Variants in ZNF280C observed in about 807,000 individuals in gnomAD.
The protein encoded by ZNF280C is suppressor of hairy wing homolog 3.
Under a neutral mutation model 53.6 loss-of-function variants are expected in ZNF280C, and 14 were observed. The observed-to-expected ratio is 0.26, with a 90% confidence interval of 0.17 to 0.41. The LOEUF is 0.41. ZNF280C is among the 10% of genes least tolerant of loss of function. The pLI is 1.00. For synonymous variants in ZNF280C, 203 were observed against 181.1 expected (o/e 1.12, Z -0.97); for missense variants, 416 against 547.1 (o/e 0.76, Z 2.39).
At chrX:130,243,425 C>T in intron 5 of ZNF280C, 138 bp downstream of exon 5, 2 of 649,527 alleles carry the variant, frequency 3.1e-6, no homozygotes, top group Admixed American at 3.3e-5. Context: ...CTCAAGCGAT[C>T]TGCCTGCCTT....
Position 130,260,441 on chromosome X carries a change from G to A in ZNF280C, c.9C>T (p.Asp3=), listed in dbSNP as rs758815792. 13 of 1,195,015 alleles carry A rather than the reference G, an allele frequency of 1.1e-5. No homozygotes were observed. The East Asian group carries it at 1.5e-4, about 14-fold the overall frequency. The change falls in exon 2 of 19, where the codon GAC becomes GAT. Residue 3 remains aspartate, a synonymous_variant. Coordinates refer to ENST00000370978, the MANE Select transcript of ZNF280C (RefSeq NM_017666.5). ...TACTTTTTGGTTGAAAAGGTTTGTC[G>A]TCATCCATGAAGTTGCAAGGTCACC... MD[D]DKPFQPKNIS...
At chrX:130,216,870 G>A (rs2032110361) in intron 13 of ZNF280C, among the ~76,000 whole-genome samples, 1 of 110,864 alleles carries the variant, frequency 9.0e-6, no homozygotes, top group Non-Finnish European at 1.9e-5. Flanking sequence ...CATGGTGGCA[G>A]GTACCTGTAA....
Position 130,229,082 on chromosome X carries a change from T to C in ZNF280C, c.1042A>G (p.Ser348Gly), listed in dbSNP as rs771741610. The change falls in exon 10 of 19, where the codon AGC becomes GGC. Residue 348 changes from serine (S) to glycine (G), a missense_variant. Ser to Gly is a moderately conservative substitution (Grantham distance 56). Transcript: ENST00000370978. ...HLELEKQNNE[S>G]WENHTTCQHC... ...TGGCAGGTGGTGTGGTTTTCCCAGC[T>C]TTCATTGTTCTGCTTCTCAAGTTCC... 1.5e-5 allele frequency: 18 copies of C among 1,209,905 alleles called. No individual in the cohort carries two copies. Among genetic ancestry groups the C allele is most frequent in the Non-Finnish European group, 2.0e-5 (18 of 894,475 alleles).
rs1016275331 is a variant in ZNF280C at position 130,239,629 on chromosome X, T to C, written c.446A>G (p.Gln149Arg). 9 of 1,204,042 alleles carry C rather than the reference T, an allele frequency of 7.5e-6. No homozygotes were observed. Among genetic ancestry groups the C allele is most frequent in the Non-Finnish European group, 6.7e-6 (6 of 890,753 alleles). ...GTCTTGGGATGGTGGTAGTGATTCC[T>C]GGGTCGAGTCAAACAGTAAAATTGA... is the stretch of plus-strand genomic sequence containing the variant. ...NSSILLFDST[Q>R]ESLPPSQDIP... The change falls in exon 6 of 19, where the codon CAG (glutamine) becomes CGG (arginine). Residue 149 changes from glutamine (Q) to arginine (R), a missense_variant. Physicochemically the swap from Gln to Arg is conservative, Grantham distance 43 (BLOSUM62 1). This residue lies in a region of ZNF280C where 193 missense variants were observed against 201.4 expected (regional missense o/e 0.96). Transcript: ENST00000370978.
At chrX:130,241,836 C>T (rs2032393607) in intron 5 of ZNF280C, among the ~76,000 whole-genome samples, 1 of 111,187 alleles carries the variant, frequency 9.0e-6, no homozygotes, top group African/African-American at 3.3e-5. Context: ...CTGGGTTAAC[C>T]TGGATTGAAA....
At chrX:130,220,240 T>G in intron 13 of ZNF280C, 109 bp downstream of exon 13, 22 of 703,653 alleles carry the variant, frequency 3.1e-5, no homozygotes, top group Non-Finnish European at 4.1e-5. Flanking sequence ...GTTGCCCTAG[T>G]GAGCTTTCTA....
At position 130,253,095 on chromosome X, in the gene ZNF280C, A is replaced by G. The variant is rs4829714; in HGVS notation, c.32-6090T>C. ...TCAGGATACAAATCAACGTACAAAA[A>G]TCACCGGCATTCCTATACACCAACA... On this transcript the variant is annotated intron_variant, in intron 2 of 18. Coordinates refer to ENST00000370978, the MANE Select transcript of ZNF280C (RefSeq NM_017666.5). 6.3e-3 allele frequency among the ~76,000 whole-genome samples: 706 copies of G among 112,083 alleles called. 6 individuals carry two copies. The highest frequency in any genetic ancestry group is 0.011 in the Non-Finnish European group (586 of 53,214).
At chrX:130,235,269 T>C (rs1026852490) in intron 8 of ZNF280C, among the ~76,000 whole-genome samples, 3 of 112,482 alleles carry the variant, frequency 2.7e-5, no homozygotes, top group Admixed American at 9.4e-5. Flanking sequence ...ATCCCGGCAC[T>C]TTGTGAGGCT....
intron 2 of ZNF280C, among the ~76,000 whole-genome samples, chrX:130,255,671 G>A (rs1193364899): frequency 8.9e-6 from 1 of 111,906 alleles, no homozygotes; most frequent in Non-Finnish European, 1.9e-5. Flanking sequence ...AAATTGCCAG[G>A]TGGCTGAGTG....
At chrX:130,248,747 C>T (rs190807764) in intron 2 of ZNF280C, among the ~76,000 whole-genome samples, 2 of 112,287 alleles carry the variant, frequency 1.8e-5, no homozygotes, top group Admixed American at 9.3e-5. Context: ...GCTTGACCAG[C>T]GGAGAGCTCC....
At chrX:130,205,021 T>A (rs2031956909) in intron 18 of ZNF280C, 29 bp from the exon 19 acceptor site, 1 of 999,366 alleles carries the variant, frequency 1.0e-6, no homozygotes, top group Non-Finnish European at 1.3e-6. Context: ...AAAACTTTAA[T>A]ATTTTTCATT....
At chrX:130,233,553 T>C (rs987306966) in intron 8 of ZNF280C, among the ~76,000 whole-genome samples, 5 of 104,470 alleles carry the variant, frequency 4.8e-5, no homozygotes, top group Non-Finnish European at 7.8e-5. Context: ...GAGGTGGAGG[T>C]TGCGGTTGTG....
intron 2 of ZNF280C, among the ~76,000 whole-genome samples, chrX:130,249,502 G>A (rs989253301): frequency 8.9e-6 from 1 of 111,923 alleles, no homozygotes; most frequent in Non-Finnish European, 1.9e-5. Context: ...AAAAAGCAGA[G>A]GTCCAATATC....
At chrX:130,219,329 T>C (rs2032136564) in intron 13 of ZNF280C, among the ~76,000 whole-genome samples, 1 of 109,284 alleles carries the variant, frequency 9.2e-6, no homozygotes, top group Admixed American at 9.8e-5. Flanking sequence ...CTATTAAAAA[T>C]ACAAACAATT....
At chrX:130,237,379 T>TTA (rs2032345868) in intron 6 of ZNF280C, among the ~76,000 whole-genome samples, 1 of 111,549 alleles carries the variant, frequency 9.0e-6, no homozygotes, top group Non-Finnish European at 1.9e-5. Context: ...AACTCTGCTT[T>TTA]TATGTTTTAT....
chrX:130,241,268 C>T (rs488876), intron 5 of ZNF280C, among the ~76,000 whole-genome samples: 9 of 111,202 alleles, frequency 8.1e-5, no homozygotes, highest in Non-Finnish European at 1.3e-4. Flanking sequence ...GTAGGATTCT[C>T]AATTCATTCG....
intron 2 of ZNF280C, among the ~76,000 whole-genome samples, chrX:130,256,854 C>T (rs1322063225): frequency 3.7e-5 from 4 of 108,486 alleles, no homozygotes; most frequent in Non-Finnish European, 7.7e-5. Context: ...GTTGAGATCA[C>T]GCCACTGCAC....
intron 10 of ZNF280C, 137 bp downstream of exon 10, chrX:130,228,840 T>C (rs1302836989): frequency 1.3e-5 from 8 of 608,251 alleles, no homozygotes; most frequent in African/African-American, 2.3e-5. Flanking sequence ...ATAAAAGTTA[T>C]GATTTTTTTT....
In ZNF280C at chrX:130,215,929, G is replaced by T. The variant is rs747651855; in HGVS notation, c.1700C>A (p.Ala567Glu). The change falls in exon 14 of 19, where the codon GCA (alanine) becomes GAA (glutamate). Residue 567 changes from alanine (A) to glutamate (E), a missense_variant. By Grantham distance (107) the Ala-to-Glu change is moderately radical (BLOSUM62 -1). Coordinates refer to ENST00000370978, the MANE Select transcript of ZNF280C (RefSeq NM_017666.5). ...AACTTTACTTGCAGTGGATGTAGTTGCATGAAGCTTACTTGTCTTAGATCT... is the reference window on the plus strand; with the variant it reads ...AACTTTACTTGCAGTGGATGTAGTTTCATGAAGCTTACTTGTCTTAGATCT... Reference protein sequence around the residue: ...ASRSKTSKLHATTSTASKVNT... With the variant: ...ASRSKTSKLHETTSTASKVNT... 13 of 1,207,564 alleles carry T rather than the reference G, an allele frequency of 1.1e-5. No homozygotes were observed. Among genetic ancestry groups the T allele is most frequent in the Non-Finnish European group, 1.5e-5 (13 of 894,055 alleles).
Sources: allele counts gnomAD v4.1 joint callset (sites outside exome capture counted in the v4.1 genomes callset), GRCh38; gene constraint gnomAD v4.1.1; regional missense constraint gnomAD v4.1.1; transcripts MANE v1.5; gene names NCBI Gene and HGNC (gene_info 2026-07-23, HGNC 2026-07-21).